Variants in KDM4C observed in about 807,000 individuals in gnomAD.
KDM4C encodes the protein lysine demethylase 4C.
In KDM4C, 81 loss-of-function variants were observed where a neutral mutation model predicts 129.3. The observed-to-expected ratio is 0.63, with a 90% CI of 0.52 to 0.75. The LOEUF (loss-of-function observed/expected upper bound fraction) is 0.75, where lower values mean the gene tolerates loss of function less well. Ranked by LOEUF, KDM4C falls within the 30% of genes least tolerant of loss-of-function variation. The probability of loss-of-function intolerance (pLI) is 0.00; values close to 1 mark genes in which losing one functional copy is unlikely to be tolerated. For missense variants in KDM4C, 1,457 were observed against 1,304.0 expected, an observed-to-expected ratio of 1.12 and a Z score of -1.81; for synonymous variants, 573 against 456.1, an observed-to-expected ratio of 1.26 and a Z score of -3.26.
intron 4 of KDM4C, among the ~76,000 whole-genome samples, chr9:6,846,118 C>T (rs766653632): frequency 6.6e-6 from 1 of 152,164 alleles, no homozygotes; most frequent in Non-Finnish European, 1.5e-5. Flanking sequence ...GTGTTTGCTG[C>T]TCCTGAACCT....
chr9:7,130,337 G>A (rs562564388), intron 19 of KDM4C, among the ~76,000 whole-genome samples: 4 of 152,292 alleles, frequency 2.6e-5, no homozygotes, highest in Admixed American at 6.5e-5. Context: ...TACACACCAT[G>A]CCAGTTTGAG....
At chr9:6,895,510 A>T (rs1816269096) in intron 8 of KDM4C, among the ~76,000 whole-genome samples, 1 of 152,158 alleles carries the variant, frequency 6.6e-6, no homozygotes, top group African/African-American at 2.4e-5. Context: ...GCATTCAAAG[A>T]TCTCTGGGAT....
chr9:6,995,270 T>G (rs1472989815), intron 12 of KDM4C, among the ~76,000 whole-genome samples: 1 of 152,186 alleles, frequency 6.6e-6, no homozygotes, highest in Non-Finnish European at 1.5e-5. Context: ...AGTTTGTATT[T>G]CTGTTGCTTT....
chr9:6,798,816 C>T (rs547334708), intron 2 of KDM4C, among the ~76,000 whole-genome samples: 1 of 152,260 alleles, frequency 6.6e-6, no homozygotes, highest in South Asian at 2.1e-4. Flanking sequence ...GTAGGGGCGG[C>T]CGGGCAGAGG....
intron 17 of KDM4C, among the ~76,000 whole-genome samples, chr9:7,088,125 C>G (rs974360380): frequency 2.6e-5 from 4 of 152,180 alleles, no homozygotes; most frequent in Non-Finnish European, 4.4e-5. Context: ...TTGGTGCAAC[C>G]AATCCTGAGA....
intron 18 of KDM4C, chr9:7,105,567 A>G (rs2133170760): frequency 4.7e-6 from 2 of 427,974 alleles, no homozygotes; most frequent in Non-Finnish European, 9.8e-6. Context: ...TTCCTTGCCC[A>G]AATAGATGCA....
chr9:7,054,752 C>A (rs1459279121), intron 17 of KDM4C, among the ~76,000 whole-genome samples: 1 of 152,140 alleles, frequency 6.6e-6, no homozygotes, highest in African/African-American at 2.4e-5. Flanking sequence ...AATTAAAGAT[C>A]TGTGGTATTT....
chr9:6,869,503 G>C (rs1349247202), intron 5 of KDM4C, among the ~76,000 whole-genome samples: 2 of 152,198 alleles, frequency 1.3e-5, no homozygotes, highest in East Asian at 1.9e-4. Context: ...GGGCTTTCTT[G>C]TATAGTGCTC....
intron 1 of KDM4C, among the ~76,000 whole-genome samples, chr9:6,721,644 A>C (rs1232338001): frequency 1.4e-5 from 2 of 141,574 alleles, no homozygotes; most frequent in Non-Finnish European, 3.0e-5. Context: ...GCTGTAGTGC[A>C]GTGGCGTGGT....
intron 4 of KDM4C, chr9:6,835,019 T>G: frequency 1.1e-6 from 1 of 947,988 alleles, no homozygotes; most frequent in Non-Finnish European, 1.7e-6. Context: ...GACTACCTCA[T>G]GAAGATCCTT....
At chr9:7,073,694 G>C (rs1833522739) in intron 17 of KDM4C, among the ~76,000 whole-genome samples, 2 of 152,208 alleles carry the variant, frequency 1.3e-5, no homozygotes, top group African/African-American at 4.8e-5. Context: ...GCCCTTGGGA[G>C]ATATAGGCTG....
chr9:6,889,333 CCT>C (rs1263527532), intron 7 of KDM4C, among the ~76,000 whole-genome samples: 2 of 150,890 alleles, frequency 1.3e-5, no homozygotes, highest in Non-Finnish European at 2.9e-5. Flanking sequence ...TTCCCTGCTC[CCT>C]CATAAACTGT....
At chr9:6,863,724 G>T (rs781046199) in intron 5 of KDM4C, among the ~76,000 whole-genome samples, 14 of 150,982 alleles carry the variant, frequency 9.3e-5, no homozygotes, top group Non-Finnish European at 1.8e-4. Context: ...GAACCTGGGA[G>T]GCAGAGCTTG....
intron 3 of KDM4C, among the ~76,000 whole-genome samples, chr9:6,811,353 A>G (rs928447227): frequency 6.6e-6 from 1 of 151,980 alleles, no homozygotes; most frequent in South Asian, 2.1e-4. Context: ...TGGGGTTTCA[A>G]CATGTTGGCC....
chr9:7,039,932 T>A (rs945724368), intron 15 of KDM4C, among the ~76,000 whole-genome samples: 1 of 152,080 alleles, frequency 6.6e-6, no homozygotes, highest in African/African-American at 2.4e-5. Flanking sequence ...GCTCATATCA[T>A]TTTGCATCTA....
chr9:6,778,406 G>C (rs183595223), intron 1 of KDM4C, among the ~76,000 whole-genome samples: 1 of 152,004 alleles, frequency 6.6e-6, no homozygotes, highest in Non-Finnish European at 1.5e-5. Flanking sequence ...TCAGGCCTTT[G>C]TAGCTAAATA....
rs535379378 is a variant in KDM4C at position 6,891,188 on chromosome 9, A to C, written c.784-1907A>C. Among the ~76,000 whole-genome samples the C allele has an allele frequency of 3.9e-5, 6 of 152,298 alleles. No individual in the cohort carries two copies. The East Asian group carries it at 9.6e-4, about 24-fold the overall frequency. On this transcript the variant is annotated intron_variant, in intron 7 of 21. Coordinates refer to ENST00000381309, the MANE Select transcript of KDM4C (RefSeq NM_015061.6). ...AGGGATGAGGGAGCGCTCTTGGGTGATGAAATAATAGGGGCATGGACAATT... is the reference window on the plus strand; with the variant it reads ...AGGGATGAGGGAGCGCTCTTGGGTGCTGAAATAATAGGGGCATGGACAATT...
chr9:6,979,293 G>C (rs189231655), intron 8 of KDM4C, among the ~76,000 whole-genome samples: 3 of 152,120 alleles, frequency 2.0e-5, no homozygotes, highest in Non-Finnish European at 4.4e-5. Context: ...ATAATAGAAA[G>C]CAGTGGTGCA....
intron 1 of KDM4C, among the ~76,000 whole-genome samples, chr9:6,763,234 C>T (rs965756650): frequency 3.3e-5 from 5 of 152,152 alleles, no homozygotes; most frequent in African/African-American, 1.2e-4. Flanking sequence ...CAGCCAGTCT[C>T]CTTCCTACCA....
Sources: allele counts gnomAD v4.1 joint callset (sites outside exome capture counted in the v4.1 genomes callset), GRCh38; gene constraint gnomAD v4.1.1; transcripts MANE v1.5; gene names NCBI Gene and HGNC (gene_info 2026-07-23, HGNC 2026-07-21).